Variants in SHANK2 observed in about 807,000 individuals in gnomAD.
SHANK2 encodes SH3 and multiple ankyrin repeat domains protein 2.
SHANK2 carries 43 observed loss-of-function variants against 133.7 expected under a neutral mutation model. The observed-to-expected ratio is 0.32, with a 90% CI of 0.25 to 0.41. SHANK2 has a LOEUF of 0.41. SHANK2 is among the 10% of genes least tolerant of loss of function. SHANK2 has a pLI of 1.00. For missense variants in SHANK2, 1,994 were observed against 2,235.8 expected (o/e 0.89, Z 2.18); for synonymous variants, 1,017 against 952.8 (o/e 1.07, Z -1.24).
intron 17 of SHANK2, among the ~76,000 whole-genome samples, chr11:70,519,968 A>T (rs2059311167): frequency 6.7e-6 from 1 of 149,826 alleles, no homozygotes; most frequent in Non-Finnish European, 1.5e-5. Flanking sequence ...GGCTGGTCTC[A>T]AACTCCTGGG....
At chr11:71,172,841 A>C (rs577793491) in intron 2 of SHANK2, among the ~76,000 whole-genome samples, 3 of 152,362 alleles carry the variant, frequency 2.0e-5, no homozygotes, top group South Asian at 4.1e-4. Context: ...CCAGCACGCC[A>C]GGGCAGGCAA....
At chr11:70,853,405 G>A (rs1949119868) in intron 11 of SHANK2, among the ~76,000 whole-genome samples, 2 of 152,234 alleles carry the variant, frequency 1.3e-5, no homozygotes. Context: ...CAGTGAGGCT[G>A]AGTGCGTCGG....
chr11:70,933,726 C>A (rs1490291168), intron 10 of SHANK2, among the ~76,000 whole-genome samples: 2 of 151,934 alleles, frequency 1.3e-5, no homozygotes, highest in Admixed American at 6.6e-5. Flanking sequence ...TCAAGACCAG[C>A]CTGGCCAACA....
chr11:70,946,178 A>C (rs1950727404), intron 10 of SHANK2, among the ~76,000 whole-genome samples: 2 of 146,152 alleles, frequency 1.4e-5, no homozygotes, highest in Non-Finnish European at 3.0e-5. Flanking sequence ...CCACTAACCA[A>C]CCCTTCCCAG....
chr11:70,479,098 C>T lies in SHANK2; in HGVS notation c.4980-5659G>A, dbSNP rs530041761. ...CTCCCATTCATCCTTGCCCAACGCC[C>T]GCAAGTACCAGCCCCGATGGACGCA... On this transcript the variant is annotated intron_variant, in intron 25 of 25. Transcript: ENST00000601538. This position sits in a 1 kb window ranked among gnomAD's most constrained non-coding sequence, Gnocchi z 4.4. Among the ~76,000 whole-genome samples the T allele has an allele frequency of 6.8e-4, 104 of 152,340 alleles. 1 individual carries two copies. The highest frequency in any genetic ancestry group is 6.8e-3 in the Middle Eastern group (2 of 294).
chr11:70,604,942 CGTGTGA>C (rs2060554842), intron 17 of SHANK2: 2 of 152,770 alleles, frequency 1.3e-5, no homozygotes, highest in South Asian at 4.1e-4. Flanking sequence ...GTGTGGGCAG[CGTGTGA>C]GTCACAAGGC....
Position 71,081,085 on chromosome 11 carries a change from C to A in SHANK2, c.913-5810G>T, listed in dbSNP as rs1004835465. ...AGTTAAAATGAGGCCATTAGGGGGC[C>A]CCTAATCCCATCTGGCCTGGCTGGT... On this transcript the variant is annotated intron_variant, in intron 8 of 25. Coordinates refer to ENST00000601538, the MANE Select transcript of SHANK2 (RefSeq NM_012309.5). 6.5e-4 allele frequency among the ~76,000 whole-genome samples: 99 copies of A among 152,214 alleles called. 1 individual carries two copies. Among genetic ancestry groups the A allele is most frequent in the African/African-American group, 2.2e-3 (93 of 41,540 alleles).
At chr11:70,610,678 C>T (rs1026913567) in intron 17 of SHANK2, among the ~76,000 whole-genome samples, 10 of 152,192 alleles carry the variant, frequency 6.6e-5, no homozygotes, top group South Asian at 4.1e-4. Flanking sequence ...GGGACAGGCC[C>T]GGAGAATTCC....
At chr11:71,114,148 G>A (rs781859050) in intron 4 of SHANK2, among the ~76,000 whole-genome samples, 5 of 152,210 alleles carry the variant, frequency 3.3e-5, no homozygotes, top group Non-Finnish European at 7.3e-5. Flanking sequence ...GTTAACTCAG[G>A]GCTGGGCACT....
chr11:71,122,560 T>C (rs1952099841), intron 3 of SHANK2, among the ~76,000 whole-genome samples: 1 of 152,244 alleles, frequency 6.6e-6, no homozygotes, highest in African/African-American at 2.4e-5. Flanking sequence ...GACGAGTTAA[T>C]GGGTACAGCA....
chr11:70,485,188 G>C lies in SHANK2; in HGVS notation c.4979+126C>G, dbSNP rs1555152601. ...AAGAAGTGTTACTGCATTAACAGAC[G>C]TGGCCCACACAGGCTTTACGAATTC... On this transcript the variant is annotated intron_variant, in intron 25 of 25. Transcript: ENST00000601538. The surrounding 1 kb of genome is among the most constrained non-coding windows in gnomAD (Gnocchi z 5.8). 1.3e-6 allele frequency: 1 copy of C among 769,144 alleles called. No homozygotes were observed. Among genetic ancestry groups the C allele is most frequent in the African/African-American group, 1.7e-5 (1 of 58,524 alleles). The allele number at this position is 769,144 out of a possible 1,614,324, so 47.6% of individuals were successfully genotyped here.
intron 11 of SHANK2, among the ~76,000 whole-genome samples, chr11:70,875,248 G>A (rs1187690562): frequency 1.3e-5 from 2 of 152,064 alleles, no homozygotes; most frequent in African/African-American, 2.4e-5. Flanking sequence ...CTCCTGTTGC[G>A]TGTACCTGGG....
intron 2 of SHANK2, among the ~76,000 whole-genome samples, chr11:71,157,384 G>C (rs1296634180): frequency 6.6e-6 from 1 of 152,196 alleles, no homozygotes; most frequent in Non-Finnish European, 1.5e-5. Context: ...GGGGTGTCCA[G>C]GTCTTGAGAA....
At chr11:70,912,692 T>C (rs906344296) in intron 10 of SHANK2, among the ~76,000 whole-genome samples, 1 of 152,230 alleles carries the variant, frequency 6.6e-6, no homozygotes. Context: ...GGGGCGCTCC[T>C]GCAAGAAACG....
chr11:70,936,946 C>G (rs1950579704), intron 10 of SHANK2, among the ~76,000 whole-genome samples: 1 of 152,244 alleles, frequency 6.6e-6, no homozygotes, highest in Non-Finnish European at 1.5e-5. Flanking sequence ...GGTACTGACT[C>G]TTCCACCTTC....
intron 17 of SHANK2, among the ~76,000 whole-genome samples, chr11:70,658,748 C>A (rs925211234): frequency 6.6e-6 from 1 of 152,164 alleles, no homozygotes; most frequent in Non-Finnish European, 1.5e-5. Context: ...GAAATGATCA[C>A]GGGTAGCCCT....
At chr11:71,081,439 G>A (rs1951298939) in intron 8 of SHANK2, among the ~76,000 whole-genome samples, 1 of 152,212 alleles carries the variant, frequency 6.6e-6, no homozygotes, top group South Asian at 2.1e-4. Context: ...TAAAGCTGCG[G>A]CCCTTGCCCA....
chr11:70,807,182 TGA>T lies in SHANK2; in HGVS notation c.1494-13_1494-12del. 1.4e-6 allele frequency: 1 copy of T among 715,202 alleles called. No homozygotes were observed. Among genetic ancestry groups the T allele is most frequent in the Non-Finnish European group, 2.6e-6 (1 of 384,412 alleles). The allele number at this position is 715,202 out of a possible 1,614,324, so 44.3% of individuals were successfully genotyped here. On this transcript the variant is annotated splice_polypyrimidine_tract_variant and intron_variant, in intron 12 of 25. Transcript: ENST00000601538. The surrounding 1 kb of genome is among the most constrained non-coding windows in gnomAD (Gnocchi z 4.8). ...AGAGCAAAAGGCGACCTGGACCAGG[TGA>T]GAGGGGCAGAGAGAGAGAGAGCAGA... is the stretch of plus-strand genomic sequence containing the variant.
rs556932380 is a variant in SHANK2 at position 70,875,583 on chromosome 11, G to A, written c.1174+20918C>T. On this transcript the variant is annotated intron_variant, in intron 11 of 25. Coordinates refer to ENST00000601538, the MANE Select transcript of SHANK2 (RefSeq NM_012309.5). Reference sequence around the variant, plus strand: ...AACAAATATTGCATGTCTGGGAGCTGGGCATGGTGACTCACGCCTGCAATC... The same window carrying A: ...AACAAATATTGCATGTCTGGGAGCTAGGCATGGTGACTCACGCCTGCAATC... Among the ~76,000 whole-genome samples the A allele has an allele frequency of 5.9e-4, 90 of 152,104 alleles. 1 individual carries two copies. Among genetic ancestry groups the A allele is most frequent in the Non-Finnish European group, 1.1e-3 (73 of 68,004 alleles).
Sources: allele counts gnomAD v4.1 joint callset (sites outside exome capture counted in the v4.1 genomes callset), GRCh38; gene constraint gnomAD v4.1.1; non-coding constraint Gnocchi (gnomAD v3.1); transcripts MANE v1.5; gene names NCBI Gene and HGNC (gene_info 2026-07-23, HGNC 2026-07-21).